PRMT8: variants seen among roughly 807,000 people sequenced by gnomAD.
The protein encoded by PRMT8 is protein arginine N-methyltransferase 8.
Under a neutral mutation model 47.1 loss-of-function variants are expected in PRMT8, and 7 were observed. That is an observed-to-expected ratio of 0.15 (90% CI 0.08 to 0.28). The LOEUF (loss-of-function observed/expected upper bound fraction) is 0.28, where lower values mean the gene tolerates loss of function less well. Ranked by LOEUF, PRMT8 falls within the 10% of genes least tolerant of loss-of-function variation. PRMT8 has a pLI of 1.00. For synonymous variants in PRMT8, 188 were observed against 186.5 expected, an observed-to-expected ratio of 1.01 and a Z score of -0.07; for missense variants, 237 against 505.4, an observed-to-expected ratio of 0.47 and a Z score of 5.09.
intron 1 of PRMT8, among the ~76,000 whole-genome samples, chr12:3,483,450 GT>G (rs3839983): frequency 0.22 from 32,728 of 151,118 alleles, 3,768 homozygotes; most frequent in South Asian, 0.3. Context: ...AACCATGATA[GT>G]TTTTTTTTTC....
chr12:3,521,348 C>T (rs10848872), intron 1 of PRMT8, among the ~76,000 whole-genome samples: 27,697 of 151,926 alleles, frequency 0.18, 2,944 homozygotes, highest in Middle Eastern at 0.32. Context: ...CCGAGGCAGG[C>T]GGATCACTTG....
intron 4 of PRMT8, among the ~76,000 whole-genome samples, chr12:3,561,150 G>A (rs568540861): frequency 1.3e-5 from 2 of 152,356 alleles, no homozygotes; most frequent in South Asian, 2.1e-4. Context: ...TAGGAGGGCA[G>A]TGGTTGGAAC....
intron 8 of PRMT8, among the ~76,000 whole-genome samples, chr12:3,584,873 C>T (rs1285458256): frequency 6.6e-6 from 1 of 152,140 alleles, no homozygotes; most frequent in Non-Finnish European, 1.5e-5. Flanking sequence ...AAAACTACAC[C>T]TTTTTAAAAA....
chr12:3,421,395 T>C (rs1864539086), intron 1 of PRMT8, among the ~76,000 whole-genome samples: 1 of 152,180 alleles, frequency 6.6e-6, no homozygotes, highest in Non-Finnish European at 1.5e-5. Context: ...ATTCCCTTGC[T>C]CTCCAGCCAT....
intron 1 of PRMT8, among the ~76,000 whole-genome samples, chr12:3,428,145 G>A (rs1270204866): frequency 2.0e-5 from 3 of 152,052 alleles, no homozygotes; most frequent in Non-Finnish European, 4.4e-5. Flanking sequence ...AGGTCTGGTC[G>A]GACCTTTGTA....
At chr12:3,555,119 C>T (rs959691838) in intron 4 of PRMT8, among the ~76,000 whole-genome samples, 2 of 152,222 alleles carry the variant, frequency 1.3e-5, no homozygotes, top group African/African-American at 4.8e-5. Context: ...GGGGACAGAG[C>T]AGGGAACAAG....
chr12:3,399,007 G>A (rs1324331299), intron 1 of PRMT8, among the ~76,000 whole-genome samples: 1 of 152,196 alleles, frequency 6.6e-6, no homozygotes, highest in Non-Finnish European at 1.5e-5. Flanking sequence ...TTCCCAGGCT[G>A]GAGGTTAAGG....
At chr12:3,427,985 G>T (rs2137065839) in intron 1 of PRMT8, among the ~76,000 whole-genome samples, 1 of 152,248 alleles carries the variant, frequency 6.6e-6, no homozygotes, top group South Asian at 2.1e-4. Context: ...TGAAAACTTT[G>T]TAAGTTTGAG....
At chr12:3,475,829 T>C (rs1051573124) in intron 1 of PRMT8, among the ~76,000 whole-genome samples, 2 of 152,184 alleles carry the variant, frequency 1.3e-5, no homozygotes, top group Non-Finnish European at 2.9e-5. Context: ...CCCAGAACAC[T>C]CTTGTTTGTT....
At chr12:3,559,101 C>G (rs1591602076) in intron 4 of PRMT8, among the ~76,000 whole-genome samples, 2 of 152,182 alleles carry the variant, frequency 1.3e-5, no homozygotes, top group East Asian at 1.9e-4. Context: ...CTGATCTGTC[C>G]ATTCATTTCA....
At chr12:3,522,840 A>G (rs975692704) in intron 1 of PRMT8, among the ~76,000 whole-genome samples, 4 of 152,116 alleles carry the variant, frequency 2.6e-5, no homozygotes, top group African/African-American at 9.7e-5. Flanking sequence ...CAAAGGGAAA[A>G]GGGTAAATGG....
chr12:3,575,234 G>A (rs949919721), intron 6 of PRMT8, among the ~76,000 whole-genome samples: 2 of 152,130 alleles, frequency 1.3e-5, no homozygotes, highest in East Asian at 1.9e-4. Context: ...AAAAGCTGTC[G>A]CTGACCGTTC....
Position 3,517,215 on chromosome 12 carries a change from C to T in PRMT8, c.76-23391C>T, listed in dbSNP as rs1344844623. 6.6e-5 allele frequency among the ~76,000 whole-genome samples: 10 copies of T among 152,266 alleles called. No individual in the cohort carries two copies. In the South Asian group the frequency reaches 1.9e-3, roughly 28 times the overall value. On this transcript the variant is annotated intron_variant, in intron 1 of 9. Transcript: ENST00000382622. ...CATCAGACACCCGATCTTGTAAAAT[C>T]GTCATTAAAAGTCTCACTTTCGCTG...
intron 1 of PRMT8, among the ~76,000 whole-genome samples, chr12:3,537,964 G>A (rs770137269): frequency 1.1e-4 from 17 of 152,128 alleles, no homozygotes; most frequent in Non-Finnish European, 2.5e-4. Flanking sequence ...CTGCTTCCCT[G>A]GTTACAAACC....
At chr12:3,512,854 C>G (rs1030532442) in intron 1 of PRMT8, among the ~76,000 whole-genome samples, 1 of 152,142 alleles carries the variant, frequency 6.6e-6, no homozygotes, top group African/African-American at 2.4e-5. Flanking sequence ...GGTGGTTGTT[C>G]CACAGCTGGG....
At chr12:3,482,308 C>G (rs2109194) in intron 1 of PRMT8, among the ~76,000 whole-genome samples, 1 of 152,080 alleles carries the variant, frequency 6.6e-6, no homozygotes, top group Admixed American at 6.5e-5. Flanking sequence ...GGCATATATG[C>G]AAAGTTGTTC....
Position 3,493,453 on chromosome 12 carries a change from G to A in PRMT8, c.75+1753G>A, listed in dbSNP as rs949936345. ...GTGGCTGGAGCCCTGGAAGCGAGAA[G>A]GCGCTTCCTCCCTGCATTTCCACCT... On this transcript the variant is annotated intron_variant, in intron 1 of 9. Coordinates refer to ENST00000382622, the MANE Select transcript of PRMT8 (RefSeq NM_019854.5). This position sits in a 1 kb window ranked among gnomAD's most constrained non-coding sequence, Gnocchi z 8.2. Among the ~76,000 whole-genome samples, 4 of 152,336 alleles carry A rather than the reference G, an allele frequency of 2.6e-5. No homozygotes were observed. The highest frequency in any genetic ancestry group is 3.9e-4 in the East Asian group (2 of 5,178).
intron 1 of PRMT8, among the ~76,000 whole-genome samples, chr12:3,450,091 A>G (rs939014895): frequency 6.6e-6 from 1 of 152,234 alleles, no homozygotes; most frequent in Non-Finnish European, 1.5e-5. Flanking sequence ...TGGTGAAATT[A>G]CAGCCTTACA....
rs1866729981 is a variant in PRMT8, at chr12:3,566,925, A to G, written c.482-1781A>G. The stretch of plus-strand genomic sequence containing the variant: ...GCCTGCCAATTTAACAGTGGTATCT[A>G]AACTAGCTTGCTCAGATCTTTACAG... On this transcript the variant is annotated intron_variant, in intron 4 of 9. Coordinates refer to ENST00000382622, the MANE Select transcript of PRMT8 (RefSeq NM_019854.5). This position sits in a 1 kb window ranked among gnomAD's most constrained non-coding sequence, Gnocchi z 4.7. 6.6e-6 allele frequency among the ~76,000 whole-genome samples: 1 copy of G among 152,256 alleles called. No individual in the cohort carries two copies. Among genetic ancestry groups the G allele is most frequent in the Admixed American group, 6.5e-5 (1 of 15,294 alleles).
Sources: allele counts gnomAD v4.1 joint callset (sites outside exome capture counted in the v4.1 genomes callset), GRCh38; gene constraint gnomAD v4.1.1; non-coding constraint Gnocchi (gnomAD v3.1); transcripts MANE v1.5; gene names NCBI Gene and HGNC (gene_info 2026-07-23, HGNC 2026-07-21).